MSL2: variants seen among roughly 807,000 people sequenced by gnomAD.
The protein encoded by MSL2 is E3 ubiquitin-protein ligase MSL2.
MSL2 carries 2 observed loss-of-function variants against 35.8 expected under a neutral mutation model. The observed-to-expected ratio is 0.06, with a 90% CI of 0.02 to 0.18. The LOEUF is 0.18. Among genes scored for constraint, MSL2 ranks in the 10% least tolerant of loss-of-function variants. The pLI, the probability that MSL2 is intolerant of heterozygous loss-of-function variation, is 1.00. For synonymous variants in MSL2, 296 were observed against 255.7 expected (o/e 1.16, Z -1.50); for missense variants, 523 against 706.7 (o/e 0.74, Z 2.95).
At chr3:136,178,572 G>A (rs1396058554) in intron 1 of MSL2, among the ~76,000 whole-genome samples, 2 of 141,898 alleles carry the variant, frequency 1.4e-5, no homozygotes, top group East Asian at 2.1e-4. Flanking sequence ...TCACTCTGTC[G>A]CCCAGGCTGG....
At position 136,152,395 on chromosome 3, in the gene MSL2, T is replaced by C. The variant is rs1559955472; in HGVS notation, c.486A>G (p.Ser162=). Residue 162 remains serine (S), a synonymous_variant, in exon 2 of 2, where the codon TCA becomes TCG. Coordinates refer to ENST00000309993, the MANE Select transcript of MSL2 (RefSeq NM_018133.4). ...TLCLTHSPLP[S]TSEPTTDPQA... ...GAGGATCAGTTGTGGGTTCTGAGGT[T>C]GAAGGTAAAGGGGAATGTGTCAAAC... The C allele has an allele frequency of 9.3e-6, 15 of 1,614,150 alleles. No homozygotes were observed. Among genetic ancestry groups the C allele is most frequent in the Non-Finnish European group, 1.3e-5 (15 of 1,180,026 alleles).
chr3:136,176,071 A>C (rs1211902644), intron 1 of MSL2, among the ~76,000 whole-genome samples: 3 of 152,248 alleles, frequency 2.0e-5, no homozygotes, highest in East Asian at 1.9e-4. Flanking sequence ...GATTCAGCCA[A>C]ACAAAAACGA....
intron 1 of MSL2, among the ~76,000 whole-genome samples, chr3:136,171,953 G>C (rs1940037545): frequency 6.6e-6 from 1 of 152,090 alleles, no homozygotes; most frequent in South Asian, 2.1e-4. Flanking sequence ...ATGAAGTGCA[G>C]TGTCATGGCT....
At chr3:136,164,950 C>T (rs759582882) in intron 1 of MSL2, among the ~76,000 whole-genome samples, 1 of 151,886 alleles carries the variant, frequency 6.6e-6, no homozygotes, top group East Asian at 1.9e-4. Flanking sequence ...CTTGGCTCAC[C>T]GCAACCTCCA....
Position 136,152,103 on chromosome 3 carries a change from T to C in MSL2, c.778A>G (p.Ile260Val). Reference sequence around the variant, plus strand: ...AGTAACAGAGAGTCTCCAGGTTTTATATCTTCACTGAAACTGCAGATATCA... The same window carrying C: ...AGTAACAGAGAGTCTCCAGGTTTTACATCTTCACTGAAACTGCAGATATCA... Reference protein sequence around the residue: ...GIDICSFSEDIKPGDSLLLSV... With the variant: ...GIDICSFSEDVKPGDSLLLSV... Residue 260 changes from isoleucine to valine, a missense_variant, in exon 2 of 2, where the codon ATA becomes GTA. Ile to Val is a conservative substitution (Grantham distance 29). Transcript: ENST00000309993. The C allele has an allele frequency of 6.2e-7, 1 of 1,614,204 alleles. No homozygotes were observed. The highest frequency in any genetic ancestry group is 8.5e-7 in the Non-Finnish European group (1 of 1,180,046).
chr3:136,191,759 C>T (rs926992447), intron 1 of MSL2, among the ~76,000 whole-genome samples: 1 of 152,176 alleles, frequency 6.6e-6, no homozygotes, highest in East Asian at 1.9e-4. Context: ...AGCAACATAG[C>T]AAGATCCTGT....
intron 1 of MSL2, chr3:136,194,314 AC>A (rs957089985): frequency 1.4e-6 from 1 of 710,348 alleles, no homozygotes; most frequent in African/African-American, 1.9e-5. Context: ...ATTTTTTTTA[AC>A]AAAAACATCT....
rs1206403336 is a variant in MSL2 at position 136,159,353 on chromosome 3, T to C, written c.143-6615A>G. On this transcript the variant is annotated intron_variant, in intron 1 of 1. Transcript: ENST00000309993. ...ATTCAATGGGGAAAGGAGAGTACTTTCTTTTTTTTTTTTTTTTTTTTTTTT... is the reference window on the plus strand; with the variant it reads ...ATTCAATGGGGAAAGGAGAGTACTTCCTTTTTTTTTTTTTTTTTTTTTTTT... Among the ~76,000 whole-genome samples the C allele has an allele frequency of 2.9e-5, 4 of 139,066 alleles. No homozygotes were observed. In the East Asian group the frequency reaches 6.0e-4, roughly 21 times the overall value. 91.2% of individuals were successfully genotyped at this position (139,066 alleles called of 152,430 possible).
At chr3:136,162,702 A>T (rs1011562314) in intron 1 of MSL2, among the ~76,000 whole-genome samples, 2 of 152,268 alleles carry the variant, frequency 1.3e-5, no homozygotes, top group Non-Finnish European at 2.9e-5. Context: ...AATATTTTAT[A>T]TAATAGTGTA....
At chr3:136,185,393 C>T (rs114737552) in intron 1 of MSL2, among the ~76,000 whole-genome samples, 3,168 of 151,716 alleles carry the variant, frequency 0.021, 47 homozygotes, top group Non-Finnish European at 0.03. Flanking sequence ...ACAGAAAAAT[C>T]ATTCAAGTCA....
rs1404606907 is a variant in MSL2, at chr3:136,149,536, C to T, written c.*1611G>A. The T allele has an allele frequency of 4.0e-5, 6 of 149,518 alleles. No homozygotes were observed. The highest frequency in any genetic ancestry group is 7.5e-5 in the Non-Finnish European group (5 of 66,970). 9.3% of individuals were successfully genotyped at this position (149,518 alleles called of 1,614,324 possible). Reference sequence around the variant, plus strand: ...AATAGTACATACTGGACACATACATCACATTTTTCTTCCTATGGCTTTAGC... The same window carrying T: ...AATAGTACATACTGGACACATACATTACATTTTTCTTCCTATGGCTTTAGC... On this transcript the variant is annotated 3_prime_UTR_variant, in exon 2 of 2. Transcript: ENST00000309993.
intron 1 of MSL2, among the ~76,000 whole-genome samples, chr3:136,191,416 C>A (rs1271144604): frequency 6.7e-6 from 1 of 149,456 alleles, no homozygotes; most frequent in Non-Finnish European, 1.5e-5. Context: ...TGCAGTGAGC[C>A]GAGATTGCGC....
rs1391416591 is a variant in MSL2, at chr3:136,195,681, GGTT to G, written c.-571_-569del. ...TGCAAGACGCCGCGGCGGCGACGAA[GGTT>G]GATGTTGCGGCTGGCGGACGCCGCC... On this transcript the variant is annotated 5_prime_UTR_variant, in exon 1 of 2. Transcript: ENST00000309993. 1 of 985,328 alleles carries G rather than the reference GGTT, an allele frequency of 1.0e-6. No individual in the cohort carries two copies. Among genetic ancestry groups the G allele is most frequent in the African/African-American group, 1.7e-5 (1 of 57,210 alleles). The allele number at this position is 985,328 out of a possible 1,614,324, so 61.0% of individuals were successfully genotyped here.
chr3:136,160,313 G>A (rs1939666422), intron 1 of MSL2, among the ~76,000 whole-genome samples: 1 of 75,314 alleles, frequency 1.3e-5, no homozygotes, highest in Non-Finnish European at 2.7e-5. Context: ...GAAGGAAGGA[G>A]GGAGGGAGGG....
intron 1 of MSL2, among the ~76,000 whole-genome samples, chr3:136,182,390 G>A (rs1210664824): frequency 6.6e-6 from 1 of 152,170 alleles, no homozygotes. Context: ...CTAAAAAACA[G>A]AATAGAACAA....
At chr3:136,174,968 A>G (rs1940131065) in intron 1 of MSL2, among the ~76,000 whole-genome samples, 1 of 152,214 alleles carries the variant, frequency 6.6e-6, no homozygotes, top group Admixed American at 6.5e-5. Flanking sequence ...TTTTCTGGGA[A>G]TGTAATAGCA....
chr3:136,155,669 A>G, intron 1 of MSL2: 1 of 486,122 alleles, frequency 2.1e-6, no homozygotes, highest in Non-Finnish European at 4.2e-6. Context: ...GTAACGAGCT[A>G]AACAAAACCT....
In MSL2 at chr3:136,195,014, G is replaced by C; in HGVS notation, c.100C>G (p.Leu34Val). The stretch of plus-strand genomic sequence containing the variant: ...AGGGACTGTCGGAAGTAAGGCAAGA[G>C]CCTGTTAATCTCAGTAAACGCCTTG... ...DPKAFTEINRLLPYFRQSLSC... is the reference protein window; with the variant it reads ...DPKAFTEINRVLPYFRQSLSC... Residue 34 changes from leucine (L) to valine (V), a missense_variant, in exon 1 of 2, where the codon CTC (leucine) becomes GTC (valine). Leu to Val is a conservative substitution (Grantham distance 32). Coordinates refer to ENST00000309993, the MANE Select transcript of MSL2 (RefSeq NM_018133.4). 6.2e-7 allele frequency: 1 copy of C among 1,614,038 alleles called. No homozygotes were observed. The highest frequency in any genetic ancestry group is 8.5e-7 in the Non-Finnish European group (1 of 1,180,004).
rs201252124 is a variant in MSL2, at chr3:136,180,717, CAAAAG to C, written c.142+14250_142+14254del. 2.8e-4 allele frequency among the ~76,000 whole-genome samples: 37 copies of C among 132,884 alleles called. 1 individual carries two copies. The highest frequency in any genetic ancestry group is 9.7e-4 in the African/African-American group (35 of 36,158). The allele number at this position is 132,884 out of a possible 152,430, so 87.2% of individuals were successfully genotyped here. ...TCCGTCTCAGAAAAAAAAGAAAAAA[CAAAAG>C]AAAAGAAAAGAAGAGGAGGAGAGGA... On this transcript the variant is annotated intron_variant, in intron 1 of 1. Transcript: ENST00000309993.
Sources: allele counts gnomAD v4.1 joint callset (sites outside exome capture counted in the v4.1 genomes callset), GRCh38; gene constraint gnomAD v4.1.1; transcripts MANE v1.5; gene names NCBI Gene and HGNC (gene_info 2026-07-23, HGNC 2026-07-21).